Variants in MYO16 observed in about 807,000 individuals in gnomAD.
MYO16 encodes the protein myosin XVI, also known as unconventional myosin-XVI.
MYO16 carries 94 observed loss-of-function variants against 205.3 expected under a neutral mutation model. That is an observed-to-expected ratio of 0.46 (90% CI 0.39 to 0.54). The LOEUF is 0.54. MYO16 is among the 20% of genes least tolerant of loss of function. MYO16 has a pLI of 0.00. For synonymous variants in MYO16, 988 were observed against 954.0 expected, an observed-to-expected ratio of 1.04 and a Z score of -0.66; for missense variants, 2,315 against 2,387.5, an observed-to-expected ratio of 0.97 and a Z score of 0.63.
intron 3 of MYO16, among the ~76,000 whole-genome samples, chr13:108,724,550 A>G (rs1183413484): frequency 6.6e-6 from 1 of 151,284 alleles, no homozygotes; most frequent in Non-Finnish European, 1.5e-5. Context: ...TTTTTTTAGT[A>G]CTTGTGTCAT....
intron 1 of MYO16, among the ~76,000 whole-genome samples, chr13:108,662,776 G>A (rs1345141356): frequency 2.0e-5 from 3 of 152,112 alleles, no homozygotes; most frequent in African/African-American, 4.8e-5. Flanking sequence ...ACCCTCCCCC[G>A]AGTTCTGGCC....
chr13:108,563,252 C>T, the MYO16 span, among the ~76,000 whole-genome samples: 1 of 151,930 alleles, frequency 6.6e-6, no homozygotes, highest in Non-Finnish European at 1.5e-5. Flanking sequence ...GGTTTTGATA[C>T]AGGCATGCAA....
chr13:109,108,461 C>T (rs1889187238), intron 28 of MYO16, among the ~76,000 whole-genome samples: 2 of 152,244 alleles, frequency 1.3e-5, no homozygotes, highest in Non-Finnish European at 2.9e-5. Flanking sequence ...CTGATTAAAA[C>T]TGACTAGGCC....
intron 6 of MYO16, among the ~76,000 whole-genome samples, chr13:108,805,511 A>G (rs1264274239): frequency 6.6e-6 from 1 of 152,272 alleles, no homozygotes; most frequent in East Asian, 1.9e-4. Flanking sequence ...ATTCCGTGCT[A>G]TCAAACCTAG....
chr13:109,118,928 A>G (rs980658894), intron 28 of MYO16, among the ~76,000 whole-genome samples: 2 of 152,232 alleles, frequency 1.3e-5, no homozygotes, highest in Non-Finnish European at 2.9e-5. Flanking sequence ...CTAAATGAAG[A>G]AGAACATCTA....
intron 1 of MYO16, among the ~76,000 whole-genome samples, chr13:108,665,588 C>A (rs1881686472): frequency 6.6e-6 from 1 of 152,118 alleles, no homozygotes. Flanking sequence ...AATCTGGAGG[C>A]TTTTGGGATG....
chr13:108,985,408 C>T (rs752667257), intron 20 of MYO16, among the ~76,000 whole-genome samples: 32 of 152,130 alleles, frequency 2.1e-4, no homozygotes, highest in Non-Finnish European at 4.3e-4. Context: ...AAGTATTTAT[C>T]GTTTTTGTGG....
At chr13:109,038,456 G>C (rs1043528837) in intron 23 of MYO16, among the ~76,000 whole-genome samples, 1 of 151,100 alleles carries the variant, frequency 6.6e-6, no homozygotes, top group African/African-American at 2.4e-5. Context: ...CCTGGATTTC[G>C]GGCCCTCTGA....
intron 2 of MYO16, among the ~76,000 whole-genome samples, chr13:108,681,494 T>C (rs1882460636): frequency 6.6e-6 from 1 of 152,242 alleles, no homozygotes; most frequent in Non-Finnish European, 1.5e-5. Flanking sequence ...GTGTTCTGTG[T>C]GGGAGGTTGT....
the MYO16 span, among the ~76,000 whole-genome samples, chr13:108,573,760 T>C: frequency 1.3e-5 from 2 of 152,226 alleles, no homozygotes; most frequent in Non-Finnish European, 2.9e-5. Flanking sequence ...ACTGTTTTCC[T>C]TTTTAAAAGT....
intron 31 of MYO16, among the ~76,000 whole-genome samples, chr13:109,138,781 C>T (rs1254516190): frequency 6.6e-6 from 1 of 151,648 alleles, no homozygotes; most frequent in Non-Finnish European, 1.5e-5. Flanking sequence ...TTTGTTTTGT[C>T]CATTTTACAT....
intron 31 of MYO16, among the ~76,000 whole-genome samples, chr13:109,137,636 G>A (rs1876842087): frequency 1.3e-5 from 2 of 152,218 alleles, no homozygotes; most frequent in Non-Finnish European, 2.9e-5. Flanking sequence ...GACTTAGAAA[G>A]ATGTCCATTG....
chr13:108,885,764 GT>G (rs1879839998), intron 13 of MYO16, among the ~76,000 whole-genome samples: 1 of 152,128 alleles, frequency 6.6e-6, no homozygotes. Context: ...TTATAGGTCA[GT>G]TTTTGAAAGC....
intron 10 of MYO16, among the ~76,000 whole-genome samples, chr13:108,846,511 T>C (rs1026035215): frequency 9.1e-6 from 1 of 109,736 alleles, no homozygotes; most frequent in Admixed American, 9.7e-5. Flanking sequence ...TGTGTGTATA[T>C]ACATATATCC....
At chr13:109,050,994 T>G (rs1887229361) in intron 24 of MYO16, among the ~76,000 whole-genome samples, 2 of 152,166 alleles carry the variant, frequency 1.3e-5, no homozygotes, top group Admixed American at 1.3e-4. Context: ...AAGAATGGTA[T>G]TCAGAAACTC....
intron 7 of MYO16, among the ~76,000 whole-genome samples, chr13:108,814,033 T>C (rs1887374507): frequency 1.3e-5 from 2 of 152,184 alleles, no homozygotes; most frequent in Admixed American, 1.3e-4. Flanking sequence ...ATGTTTATTT[T>C]TACAGGCCTG....
chr13:108,565,362 T>C, the MYO16 span, among the ~76,000 whole-genome samples: 1 of 152,216 alleles, frequency 6.6e-6, no homozygotes, highest in African/African-American at 2.4e-5. Context: ...TTCATCAGTG[T>C]TTTATAGTTT....
At chr13:109,112,431 A>G (rs1457475828) in intron 28 of MYO16, among the ~76,000 whole-genome samples, 1 of 152,206 alleles carries the variant, frequency 6.6e-6, no homozygotes, top group African/African-American at 2.4e-5. Context: ...AATAAATCAA[A>G]TAGTTTAAAT....
At chr13:109,181,841 A>G (rs1191670008) in intron 34 of MYO16, among the ~76,000 whole-genome samples, 1 of 149,546 alleles carries the variant, frequency 6.7e-6, no homozygotes, top group Non-Finnish European at 1.5e-5. Flanking sequence ...TTTTTTTGAG[A>G]CAGAGTTTAA....
Sources: gnomAD v4.1 joint callset for allele counts (sites outside exome capture counted in the v4.1 genomes callset) on GRCh38, gnomAD v4.1.1 for gene constraint, MANE v1.5 for transcripts, NCBI Gene and HGNC (gene_info 2026-07-23, HGNC 2026-07-21) for gene names.